Variants in SBF2 observed in about 807,000 individuals in gnomAD.
SBF2 encodes the protein SET binding factor 2, also known as myotubularin-related protein 13.
In SBF2, 112 loss-of-function variants were observed where a neutral mutation model predicts 225.2. The observed-to-expected ratio is 0.50, with a 90% CI of 0.43 to 0.58. The LOEUF (loss-of-function observed/expected upper bound fraction) is 0.58, where lower values mean the gene tolerates loss of function less well. SBF2 is among the 20% of genes least tolerant of loss of function. The pLI, the probability that SBF2 is intolerant of heterozygous loss-of-function variation, is 0.00. For synonymous variants in SBF2, 763 were observed against 773.3 expected (o/e 0.99, Z 0.22); for missense variants, 1,996 against 2,206.2 (o/e 0.90, Z 1.91).
intron 2 of SBF2, among the ~76,000 whole-genome samples, chr11:10,101,758 A>C (rs1234875591): frequency 6.6e-6 from 1 of 151,926 alleles, no homozygotes; most frequent in African/African-American, 2.4e-5. Flanking sequence ...AGGATTTGTG[A>C]GACTAGTCTT....
At position 10,294,080 on chromosome 11, in the gene SBF2, G is replaced by A; in HGVS notation, c.-11C>T. 2.2e-6 allele frequency: 3 copies of A among 1,363,182 alleles called. No homozygotes were observed. The highest frequency in any genetic ancestry group is 3.7e-5 in the South Asian group (2 of 53,706). The allele number at this position is 1,363,182 out of a possible 1,614,324, so 84.4% of individuals were successfully genotyped here. On this transcript the variant is annotated 5_prime_UTR_variant, in exon 1 of 40. Coordinates refer to ENST00000256190, the MANE Select transcript of SBF2 (RefSeq NM_030962.4). Reference sequence around the variant, plus strand: ...AGCCAGCCGGGCCATGGCCGCCGCCGCCGCGCTCGGGAAGCGGGTCCCCGT... The same window carrying A: ...AGCCAGCCGGGCCATGGCCGCCGCCACCGCGCTCGGGAAGCGGGTCCCCGT...
At position 9,877,884 on chromosome 11, in the gene SBF2, T is replaced by C. The variant is rs559791934; in HGVS notation, c.1929+18059A>G. ...GTGTGCATGTGTCTTTATAGCAGCA[T>C]GATTTATAATCCTTTGGGTATATAC... On this transcript the variant is annotated intron_variant, in intron 17 of 39. Transcript: ENST00000256190. 2.0e-5 allele frequency among the ~76,000 whole-genome samples: 3 copies of C among 152,334 alleles called. No homozygotes were observed. The East Asian group carries it at 5.8e-4, about 29-fold the overall frequency.
At chr11:10,251,971 C>T (rs573085257) in intron 1 of SBF2, among the ~76,000 whole-genome samples, 73 of 152,282 alleles carry the variant, frequency 4.8e-4, no homozygotes, top group Admixed American at 9.2e-4. Flanking sequence ...AAAGTTTGGA[C>T]TAAGCTCATG....
At chr11:10,220,182 T>C (rs1038413061) in intron 1 of SBF2, among the ~76,000 whole-genome samples, 12 of 152,192 alleles carry the variant, frequency 7.9e-5, no homozygotes, top group African/African-American at 2.4e-4. Flanking sequence ...AACATTTACA[T>C]GGTGGCAGGC....
intron 1 of SBF2, among the ~76,000 whole-genome samples, chr11:10,228,227 A>C (rs1241889454): frequency 6.6e-6 from 1 of 152,160 alleles, no homozygotes; most frequent in Non-Finnish European, 1.5e-5. Flanking sequence ...TTGGGCTGAG[A>C]CGATGGGGTT....
intron 2 of SBF2, among the ~76,000 whole-genome samples, chr11:10,082,188 T>C (rs752567389): frequency 2.0e-5 from 3 of 152,040 alleles, no homozygotes; most frequent in Non-Finnish European, 2.9e-5. Context: ...CAGAAGGAAA[T>C]AGAAATTATG....
In SBF2 at chr11:10,116,466, A is replaced by G. The variant is rs148646748; in HGVS notation, c.142-73485T>C. 3.5e-4 allele frequency among the ~76,000 whole-genome samples: 54 copies of G among 152,294 alleles called. No homozygotes were observed. In the East Asian group the frequency reaches 9.8e-3, roughly 28 times the overall value. ...GGATTTATGCATCAGAAAAAACTCA[A>G]GATACTCTCTTCTAAATTTTTCAAA... On this transcript the variant is annotated intron_variant, in intron 2 of 39. Transcript: ENST00000256190.
chr11:9,795,649 C>G (rs1300091217), intron 33 of SBF2, among the ~76,000 whole-genome samples, 182 bp downstream of exon 33: 2 of 152,180 alleles, frequency 1.3e-5, no homozygotes, highest in Non-Finnish European at 2.9e-5. Flanking sequence ...TGACCACCTG[C>G]TAAGAGCTAA....
At chr11:9,914,144 ATCAG>A (rs1862878162) in intron 16 of SBF2, among the ~76,000 whole-genome samples, 1 of 152,260 alleles carries the variant, frequency 6.6e-6, no homozygotes, top group African/African-American at 2.4e-5. Context: ...TGTTGAAATT[ATCAG>A]ACCAGGAATT....
chr11:10,183,915 G>A (rs182593400), intron 2 of SBF2, among the ~76,000 whole-genome samples: 128 of 152,272 alleles, frequency 8.4e-4, no homozygotes, highest in African/African-American at 2.6e-3. Flanking sequence ...ATAAGTTCTC[G>A]TGTTCTGTAG....
chr11:9,913,253 C>T lies in SBF2; in HGVS notation c.1861-17242G>A, dbSNP rs182427584. On this transcript the variant is annotated intron_variant, in intron 16 of 39. Coordinates refer to ENST00000256190, the MANE Select transcript of SBF2 (RefSeq NM_030962.4). ...TCGCGCCACTGCACTCCAGCCTGGG[C>T]GACAGGGCGAGACTCTGTCTCAAAC... 8.5e-3 allele frequency among the ~76,000 whole-genome samples: 1,294 copies of T among 152,076 alleles called. 16 individuals carry two copies. The highest frequency in any genetic ancestry group is 0.029 in the African/African-American group (1,200 of 41,464).
At chr11:10,249,403 T>C (rs1960126738) in intron 1 of SBF2, among the ~76,000 whole-genome samples, 1 of 152,120 alleles carries the variant, frequency 6.6e-6, no homozygotes, top group Non-Finnish European at 1.5e-5. Context: ...AAGATTTTCA[T>C]GTAATATTAA....
chr11:10,125,285 G>A (rs902761170), intron 2 of SBF2, among the ~76,000 whole-genome samples: 31 of 151,662 alleles, frequency 2.0e-4, no homozygotes, highest in African/African-American at 6.3e-4. Flanking sequence ...TACGAGATTC[G>A]ATTTTCTAAT....
chr11:9,781,725 T>A, intron 38 of SBF2, 87 bp from the exon 39 acceptor site: 1 of 1,471,956 alleles, frequency 6.8e-7, no homozygotes, highest in Non-Finnish European at 9.5e-7. Flanking sequence ...TACCTTCCTC[T>A]GTACCTTGGT....
chr11:10,180,830 A>G (rs994471700), intron 2 of SBF2, among the ~76,000 whole-genome samples: 2 of 152,078 alleles, frequency 1.3e-5, no homozygotes, highest in Non-Finnish European at 2.9e-5. Flanking sequence ...TGCTGCTGTT[A>G]AGAGACTCTG....
intron 1 of SBF2, among the ~76,000 whole-genome samples, chr11:10,210,026 T>C (rs1480537142): frequency 6.6e-6 from 1 of 152,086 alleles, no homozygotes; most frequent in African/African-American, 2.4e-5. Flanking sequence ...GGAAGGAAGC[T>C]GGGCACAGTG....
At chr11:10,175,111 C>A (rs908375013) in intron 2 of SBF2, among the ~76,000 whole-genome samples, 1 of 150,424 alleles carries the variant, frequency 6.6e-6, no homozygotes, top group African/African-American at 2.4e-5. Flanking sequence ...AACTAATGAG[C>A]AAAATAACCA....
At chr11:9,869,076 C>G (rs962445475) in intron 17 of SBF2, among the ~76,000 whole-genome samples, 10 of 152,216 alleles carry the variant, frequency 6.6e-5, no homozygotes, top group African/African-American at 2.4e-4. Context: ...GAACCACAGG[C>G]ATAGCCTGTA....
chr11:10,255,926 G>A (rs865857524), intron 1 of SBF2, among the ~76,000 whole-genome samples: 2 of 152,154 alleles, frequency 1.3e-5, no homozygotes, highest in Non-Finnish European at 2.9e-5. Flanking sequence ...GGTCAACAGC[G>A]CCACAAGCAA....
Sources: allele counts gnomAD v4.1 joint callset (sites outside exome capture counted in the v4.1 genomes callset), GRCh38; gene constraint gnomAD v4.1.1; transcripts MANE v1.5; gene names NCBI Gene and HGNC (gene_info 2026-07-23, HGNC 2026-07-21).